Variants in TBC1D5 observed in about 807,000 individuals in gnomAD.
TBC1D5 encodes TBC1 domain family member 5.
A neutral mutation model predicts 100.3 loss-of-function variants in TBC1D5; 75 were observed. That is an observed-to-expected ratio of 0.75 (90% confidence interval 0.62 to 0.91). The LOEUF is 0.91. Ranked by LOEUF, TBC1D5 falls within the 40% of genes least tolerant of loss-of-function variation. The pLI, the probability that TBC1D5 is intolerant of heterozygous loss-of-function variation, is 0.00. For missense variants in TBC1D5, 910 were observed against 942.4 expected, an observed-to-expected ratio of 0.97 and a Z score of 0.45; for synonymous variants, 323 against 325.6, an observed-to-expected ratio of 0.99 and a Z score of 0.09.
intron 3 of TBC1D5, among the ~76,000 whole-genome samples, chr3:17,432,194 G>A (rs1008728037): frequency 6.6e-6 from 1 of 151,834 alleles, no homozygotes; most frequent in African/African-American, 2.4e-5. Flanking sequence ...GTCTGGGTGG[G>A]GTATTTAATA....
At chr3:17,399,864 T>C (rs1470612629) in intron 8 of TBC1D5, among the ~76,000 whole-genome samples, 2 of 152,132 alleles carry the variant, frequency 1.3e-5, no homozygotes, top group Non-Finnish European at 2.9e-5. Flanking sequence ...TCTGTCTACA[T>C]GTTCTTGCCC....
At chr3:17,373,118 T>C (rs1296580560) in intron 12 of TBC1D5, among the ~76,000 whole-genome samples, 2 of 152,188 alleles carry the variant, frequency 1.3e-5, no homozygotes, top group African/African-American at 4.8e-5. Context: ...ATTCTTCTTT[T>C]GACAGTTTTC....
chr3:17,178,897 G>A (rs766134749), intron 19 of TBC1D5, among the ~76,000 whole-genome samples: 18 of 151,740 alleles, frequency 1.2e-4, no homozygotes, highest in Non-Finnish European at 2.4e-4. Context: ...CTCCTGCTTC[G>A]GCCTCCCAAA....
intron 1 of TBC1D5, among the ~76,000 whole-genome samples, chr3:17,637,454 T>C (rs1282085567): frequency 2.0e-5 from 3 of 151,724 alleles, no homozygotes; most frequent in Non-Finnish European, 4.4e-5. Flanking sequence ...AAAACTTTTG[T>C]GCAATGGGAA....
chr3:17,342,160 C>G (rs2089074093), intron 13 of TBC1D5, among the ~76,000 whole-genome samples: 1 of 152,202 alleles, frequency 6.6e-6, no homozygotes. Context: ...TCCTGACTAT[C>G]TGCTGAGACT....
intron 4 of TBC1D5, among the ~76,000 whole-genome samples, chr3:17,409,627 C>T (rs2093868239): frequency 6.6e-6 from 1 of 152,020 alleles, no homozygotes; most frequent in Admixed American, 6.6e-5. Context: ...AAGTGCTACT[C>T]CAGTGAACTC....
In TBC1D5 at chr3:17,476,488, C is replaced by T. The variant is rs184543562; in HGVS notation, c.97+31986G>A. Among the ~76,000 whole-genome samples the T allele has an allele frequency of 1.0e-3, 159 of 152,046 alleles. 2 individuals are homozygous for T. The South Asian group carries it at 0.018, about 17-fold the overall frequency. On this transcript the variant is annotated intron_variant, in intron 3 of 21. Transcript: ENST00000253692. ...TCTATCTGTCTATCTGTTCTTCCCA[C>T]TAGTCTATTTATCAAGTCATGAGCC...
intron 4 of TBC1D5, among the ~76,000 whole-genome samples, chr3:17,415,016 C>T (rs749835448): frequency 6.6e-5 from 10 of 152,046 alleles, no homozygotes; most frequent in Non-Finnish European, 1.0e-4. Flanking sequence ...GTTAAAATTA[C>T]GGTCATGTTT....
intron 2 of TBC1D5, among the ~76,000 whole-genome samples, chr3:17,545,424 T>C (rs1439796184): frequency 6.6e-6 from 1 of 152,220 alleles, no homozygotes; most frequent in African/African-American, 2.4e-5. Context: ...ATAAACTCTG[T>C]TGTTTAAGCC....
chr3:17,731,810 T>C (rs1476171840), intron 1 of TBC1D5, among the ~76,000 whole-genome samples: 1 of 152,012 alleles, frequency 6.6e-6, no homozygotes. Flanking sequence ...CTTGAATAAC[T>C]AGGGAGATGG....
At chr3:17,468,910 G>A (rs1055552910) in intron 3 of TBC1D5, among the ~76,000 whole-genome samples, 2 of 152,130 alleles carry the variant, frequency 1.3e-5, no homozygotes, top group Non-Finnish European at 2.9e-5. Flanking sequence ...ACCCTCCACA[G>A]AAATCAAGCT....
chr3:17,172,991 G>A (rs2067316620), intron 19 of TBC1D5, among the ~76,000 whole-genome samples: 1 of 152,264 alleles, frequency 6.6e-6, no homozygotes, highest in African/African-American at 2.4e-5. Flanking sequence ...CCTCCTCATA[G>A]GATGGCTGTG....
intron 2 of TBC1D5, among the ~76,000 whole-genome samples, chr3:17,581,997 T>C (rs2096701161): frequency 6.6e-6 from 1 of 152,204 alleles, no homozygotes; most frequent in Non-Finnish European, 1.5e-5. Context: ...TGTTACCTTA[T>C]CGGTGAGGCT....
chr3:17,663,037 C>T (rs539182105), intron 1 of TBC1D5: 3 of 152,204 alleles, frequency 2.0e-5, no homozygotes, highest in Admixed American at 1.3e-4. Flanking sequence ...GACTCAAGGT[C>T]GCAGTCAGCT....
intron 2 of TBC1D5, among the ~76,000 whole-genome samples, chr3:17,576,249 G>A (rs1314331390): frequency 6.6e-6 from 1 of 152,036 alleles, no homozygotes; most frequent in Non-Finnish European, 1.5e-5. Flanking sequence ...AATGATGGGG[G>A]TTGAGAGGTG....
At chr3:17,642,796 GGTAA>G (rs1278161705) in intron 1 of TBC1D5, among the ~76,000 whole-genome samples, 2 of 151,930 alleles carry the variant, frequency 1.3e-5, no homozygotes, top group Admixed American at 6.6e-5. Context: ...AGTCTCACAG[GGTAA>G]GTAAGAACGT....
intron 16 of TBC1D5, among the ~76,000 whole-genome samples, chr3:17,249,430 T>C (rs988622410): frequency 2.6e-5 from 4 of 152,214 alleles, no homozygotes; most frequent in Admixed American, 2.6e-4. Flanking sequence ...TTGAATATGT[T>C]TTCCCTCCAA....
chr3:17,344,966 A>G (rs2089642710), intron 13 of TBC1D5, among the ~76,000 whole-genome samples: 1 of 152,234 alleles, frequency 6.6e-6, no homozygotes, highest in Non-Finnish European at 1.5e-5. Flanking sequence ...TAAAAACCCT[A>G]GAAGAAAACC....
chr3:17,411,337 C>T (rs545500418), intron 4 of TBC1D5, among the ~76,000 whole-genome samples: 3 of 152,080 alleles, frequency 2.0e-5, no homozygotes, highest in Non-Finnish European at 2.9e-5. Flanking sequence ...AAAAATATCA[C>T]GTGACTCACT....
Sources: gnomAD v4.1 joint callset for allele counts (sites outside exome capture counted in the v4.1 genomes callset) on GRCh38, gnomAD v4.1.1 for gene constraint, MANE v1.5 for transcripts, NCBI Gene and HGNC (gene_info 2026-07-23, HGNC 2026-07-21) for gene names.